PEX14: variants seen among roughly 807,000 people sequenced by gnomAD.
PEX14 encodes peroxisomal biogenesis factor 14, also known as peroxisomal membrane protein PEX14.
PEX14 carries 15 observed loss-of-function variants against 49.5 expected under a neutral mutation model. The observed-to-expected ratio is 0.30, with a 90% CI of 0.20 to 0.47. The LOEUF is 0.47. Among genes scored for constraint, PEX14 ranks in the 20% least tolerant of loss-of-function variants. PEX14 has a pLI of 1.00. For synonymous variants in PEX14, 210 were observed against 212.7 expected, an observed-to-expected ratio of 0.99 and a Z score of 0.11; for missense variants, 398 against 494.8, an observed-to-expected ratio of 0.80 and a Z score of 1.86.
intron 4 of PEX14, among the ~76,000 whole-genome samples, chr1:10,600,863 G>A (rs1640962727): frequency 6.6e-6 from 1 of 152,192 alleles, no homozygotes; most frequent in Admixed American, 6.5e-5. Context: ...GCCGGGCGCA[G>A]TGGCTCCCGC....
intron 2 of PEX14, among the ~76,000 whole-genome samples, chr1:10,524,887 C>A (rs777165428): frequency 1.3e-5 from 2 of 152,180 alleles, no homozygotes; most frequent in Non-Finnish European, 2.9e-5. Flanking sequence ...AATGGAGTCT[C>A]GTTATGTTGC....
intron 1 of PEX14, among the ~76,000 whole-genome samples, chr1:10,475,733 A>G (rs1156384089): frequency 6.6e-6 from 1 of 152,148 alleles, no homozygotes; most frequent in Non-Finnish European, 1.5e-5. Context: ...GAGGCAGTGG[A>G]TGATAAGGTC....
chr1:10,532,634 A>G (rs538930436), intron 2 of PEX14, among the ~76,000 whole-genome samples: 16 of 152,312 alleles, frequency 1.1e-4, no homozygotes, highest in African/African-American at 3.8e-4. Context: ...CATGTGCAAT[A>G]AAGTTCCTGT....
chr1:10,561,868 C>G (rs1423919282), intron 3 of PEX14, among the ~76,000 whole-genome samples: 2 of 152,080 alleles, frequency 1.3e-5, no homozygotes, highest in Non-Finnish European at 2.9e-5. Context: ...TCTTTCTCTT[C>G]TCACTTTCAT....
chr1:10,498,990 C>G (rs929500727), intron 2 of PEX14, among the ~76,000 whole-genome samples: 2 of 152,184 alleles, frequency 1.3e-5, no homozygotes, highest in Admixed American at 6.5e-5. Flanking sequence ...CTGGATCCAG[C>G]TTCTTGTGCT....
rs1003541188 is a variant in PEX14, at chr1:10,599,224, C to G, written c.170-14C>G. ...AAAAGGTACTCACCTGCAATGATGT[C>G]CTCTTCTCCCCAGGGCTGACAGATG... On this transcript the variant is annotated splice_polypyrimidine_tract_variant and intron_variant, in intron 3 of 8. Transcript: ENST00000356607. 6.2e-7 allele frequency: 1 copy of G among 1,613,780 alleles called. No homozygotes were observed. The highest frequency in any genetic ancestry group is 8.5e-7 in the Non-Finnish European group (1 of 1,179,666).
chr1:10,526,579 T>A (rs1638490436), intron 2 of PEX14, among the ~76,000 whole-genome samples: 1 of 152,132 alleles, frequency 6.6e-6, no homozygotes, highest in South Asian at 2.1e-4. Context: ...CATAAAAGAA[T>A]CAAAGGTAAT....
intron 1 of PEX14, among the ~76,000 whole-genome samples, chr1:10,488,680 T>C (rs1641415563): frequency 2.0e-5 from 3 of 151,548 alleles, no homozygotes; most frequent in African/African-American, 7.3e-5. Flanking sequence ...TTTTTTTGTA[T>C]TTTTAGTAGA....
chr1:10,621,500 C>A (rs1641592791), intron 5 of PEX14, among the ~76,000 whole-genome samples: 1 of 152,112 alleles, frequency 6.6e-6, no homozygotes, highest in Non-Finnish European at 1.5e-5. Context: ...GCATGCGCCA[C>A]CACACTCAGC....
chr1:10,527,308 G>A (rs1638516123), intron 2 of PEX14, among the ~76,000 whole-genome samples: 1 of 150,504 alleles, frequency 6.6e-6, no homozygotes, highest in South Asian at 2.1e-4. Flanking sequence ...CACGAGATCA[G>A]GAGATTGAGA....
chr1:10,525,666 C>T (rs1282014580), intron 2 of PEX14, among the ~76,000 whole-genome samples: 1 of 152,158 alleles, frequency 6.6e-6, no homozygotes, highest in African/African-American at 2.4e-5. Context: ...CACTCTGTCA[C>T]CCAGGCTGGA....
At chr1:10,519,422 G>A (rs1376054605) in intron 2 of PEX14, among the ~76,000 whole-genome samples, 2 of 152,186 alleles carry the variant, frequency 1.3e-5, no homozygotes, top group East Asian at 1.9e-4. Context: ...TGCCTGGCTT[G>A]AAAGCACCTG....
At chr1:10,555,672 C>T (rs1359606752) in intron 3 of PEX14, among the ~76,000 whole-genome samples, 1 of 108,248 alleles carries the variant, frequency 9.2e-6, no homozygotes, top group East Asian at 2.4e-4. Flanking sequence ...TGTGTGCATG[C>T]ACCCGTGAGG....
intron 3 of PEX14, among the ~76,000 whole-genome samples, chr1:10,583,064 G>A (rs185118953): frequency 2.0e-5 from 3 of 151,812 alleles, no homozygotes; most frequent in Non-Finnish European, 4.4e-5. Context: ...CTTACCTCTG[G>A]GGATTCTTGG....
At chr1:10,527,171 C>T (rs1638509392) in intron 2 of PEX14, among the ~76,000 whole-genome samples, 1 of 142,208 alleles carries the variant, frequency 7.0e-6, no homozygotes, top group Non-Finnish European at 1.5e-5. Context: ...AAGATTGTAC[C>T]ACTTTACTCC....
At chr1:10,549,243 G>T (rs927971866) in intron 3 of PEX14, among the ~76,000 whole-genome samples, 2 of 152,146 alleles carry the variant, frequency 1.3e-5, no homozygotes, top group African/African-American at 4.8e-5. Context: ...GTCTGTTTTG[G>T]CTTTAAGCTG....
chr1:10,586,258 A>G (rs1472120614), intron 3 of PEX14, among the ~76,000 whole-genome samples: 1 of 152,228 alleles, frequency 6.6e-6, no homozygotes, highest in Non-Finnish European at 1.5e-5. Context: ...GCAAATTGCA[A>G]TCAGAATGTG....
intron 4 of PEX14, among the ~76,000 whole-genome samples, chr1:10,600,229 G>A (rs932406156): frequency 6.6e-6 from 1 of 152,126 alleles, no homozygotes; most frequent in African/African-American, 2.4e-5. Context: ...AGACCAGCCC[G>A]GCCAACATGA....
At chr1:10,536,142 C>G (rs1638795491) in intron 2 of PEX14, 71 bp from the exon 3 acceptor site, 1 of 979,966 alleles carries the variant, frequency 1.0e-6, no homozygotes, top group African/African-American at 1.6e-5. Flanking sequence ...GGAAAAACTC[C>G]TAGGATTTTT....
Sources: allele counts gnomAD v4.1 joint callset (sites outside exome capture counted in the v4.1 genomes callset), GRCh38; gene constraint gnomAD v4.1.1; transcripts MANE v1.5; gene names NCBI Gene and HGNC (gene_info 2026-07-23, HGNC 2026-07-21).